The following PTPRM variants were observed in gnomAD, a reference collection of about 807,000 sequenced individuals.
PTPRM encodes the protein receptor-type tyrosine-protein phosphatase mu.
In PTPRM, 47 loss-of-function variants were observed where a neutral mutation model predicts 186.7. That is an observed-to-expected ratio of 0.25 (90% CI 0.20 to 0.32). The LOEUF is 0.32. Ranked by LOEUF, PTPRM falls within the 10% of genes least tolerant of loss-of-function variation. PTPRM has a pLI of 1.00. For synonymous variants in PTPRM, 668 were observed against 674.9 expected (o/e 0.99, Z 0.16); for missense variants, 1,494 against 1,865.0 (o/e 0.80, Z 3.66).
At chr18:8,306,290 G>A (rs1022866668) in intron 20 of PTPRM, among the ~76,000 whole-genome samples, 4 of 152,092 alleles carry the variant, frequency 2.6e-5, no homozygotes, top group African/African-American at 9.7e-5. Flanking sequence ...GAACTCCTAG[G>A]AAAGTAGCCC....
chr18:7,590,847 G>T (rs983558623), intron 1 of PTPRM, among the ~76,000 whole-genome samples: 1 of 152,188 alleles, frequency 6.6e-6, no homozygotes, highest in Admixed American at 6.5e-5. Context: ...GGATTTATTG[G>T]TATTTTACTT....
At chr18:7,625,113 G>A (rs1365534000) in intron 1 of PTPRM, among the ~76,000 whole-genome samples, 2 of 152,172 alleles carry the variant, frequency 1.3e-5, no homozygotes, top group African/African-American at 4.8e-5. Context: ...ATATATTTAG[G>A]GAGAGTAATA....
intron 1 of PTPRM, among the ~76,000 whole-genome samples, chr18:7,759,644 A>G (rs1455328564): frequency 6.6e-6 from 1 of 152,198 alleles, no homozygotes; most frequent in African/African-American, 2.4e-5. Context: ...AGAAATATCT[A>G]ATATCTAGTT....
intron 14 of PTPRM, among the ~76,000 whole-genome samples, chr18:8,229,463 G>T (rs1298782299): frequency 6.6e-6 from 1 of 152,058 alleles, no homozygotes; most frequent in African/African-American, 2.4e-5. Flanking sequence ...AAAGCAGCAG[G>T]CTCTTTTCTT....
intron 7 of PTPRM, among the ~76,000 whole-genome samples, chr18:7,967,679 T>C (rs1231344924): frequency 2.3e-5 from 3 of 133,276 alleles, no homozygotes; most frequent in Non-Finnish European, 4.7e-5. Context: ...CAGGAGCCGA[T>C]GCGATCAACT....
At chr18:7,960,332 C>T (rs2053573747) in intron 7 of PTPRM, among the ~76,000 whole-genome samples, 1 of 151,708 alleles carries the variant, frequency 6.6e-6, no homozygotes, top group African/African-American at 2.4e-5. Context: ...CCATAAGATG[C>T]ATATTGAGCA....
At chr18:8,172,960 A>AG (rs1244968031) in intron 14 of PTPRM, among the ~76,000 whole-genome samples, 2 of 152,230 alleles carry the variant, frequency 1.3e-5, no homozygotes, top group Non-Finnish European at 2.9e-5. Flanking sequence ...ATATACACAC[A>AG]AACACATATG....
intron 2 of PTPRM, among the ~76,000 whole-genome samples, chr18:7,793,206 C>T (rs896757540): frequency 3.3e-5 from 5 of 152,162 alleles, no homozygotes; most frequent in Non-Finnish European, 5.9e-5. Context: ...AATAGGAAGG[C>T]AGCTGTTAGC....
intron 4 of PTPRM, among the ~76,000 whole-genome samples, chr18:7,915,124 G>C (rs552237664): frequency 1.3e-5 from 2 of 152,150 alleles, no homozygotes; most frequent in Admixed American, 1.3e-4. Context: ...TTGGCTTTGG[G>C]ATCAAAGGCT....
intron 1 of PTPRM, among the ~76,000 whole-genome samples, chr18:7,724,752 G>A (rs893538527): frequency 5.3e-5 from 8 of 152,318 alleles, no homozygotes; most frequent in African/African-American, 1.9e-4. Flanking sequence ...TTTGGTGGCT[G>A]TTCCTCGTAT....
intron 4 of PTPRM, among the ~76,000 whole-genome samples, chr18:7,926,065 A>G (rs2051156023): frequency 6.6e-6 from 1 of 152,224 alleles, no homozygotes; most frequent in Non-Finnish European, 1.5e-5. Context: ...GCTGAAAAAT[A>G]TTACATAAGT....
chr18:8,231,469 A>G (rs1334815400), intron 14 of PTPRM, among the ~76,000 whole-genome samples: 2 of 152,154 alleles, frequency 1.3e-5, no homozygotes, highest in African/African-American at 2.4e-5. Flanking sequence ...CAGCTCTCCC[A>G]TAGGACACAT....
At chr18:8,005,184 A>G (rs2084106380) in intron 7 of PTPRM, among the ~76,000 whole-genome samples, 1 of 152,214 alleles carries the variant, frequency 6.6e-6, no homozygotes, top group Admixed American at 6.5e-5. Context: ...AAACTGTAGA[A>G]AATGTCTGTC....
chr18:7,629,840 G>C (rs1363904231), intron 1 of PTPRM, among the ~76,000 whole-genome samples: 1 of 152,148 alleles, frequency 6.6e-6, no homozygotes, highest in Non-Finnish European at 1.5e-5. Context: ...ACTGTGAAGA[G>C]AATGGACTTA....
intron 19 of PTPRM, among the ~76,000 whole-genome samples, chr18:8,255,738 A>G (rs1236675929): frequency 5.9e-5 from 9 of 152,232 alleles, no homozygotes; most frequent in Admixed American, 3.9e-4. Context: ...TCTGTTAGGA[A>G]TAATCCCGTC....
chr18:8,202,601 T>A (rs2093872877), intron 14 of PTPRM, among the ~76,000 whole-genome samples: 1 of 151,682 alleles, frequency 6.6e-6, no homozygotes, highest in African/African-American at 2.4e-5. Flanking sequence ...TTTTTTTTTT[T>A]AATGGTAAGA....
chr18:8,344,632 A>G (rs184040094), intron 23 of PTPRM, among the ~76,000 whole-genome samples: 222 of 152,094 alleles, frequency 1.5e-3, no homozygotes, highest in African/African-American at 5.0e-3. Context: ...TAATAAAGAC[A>G]GCTACTACAG....
intron 1 of PTPRM, among the ~76,000 whole-genome samples, chr18:7,711,244 C>T (rs952946708): frequency 1.3e-5 from 2 of 152,146 alleles, no homozygotes; most frequent in Admixed American, 6.5e-5. Flanking sequence ...GGAACTCCCT[C>T]CCCTAGCCAA....
At chr18:8,203,240 A>G (rs1380221834) in intron 14 of PTPRM, among the ~76,000 whole-genome samples, 1 of 152,220 alleles carries the variant, frequency 6.6e-6, no homozygotes, top group African/African-American at 2.4e-5. Context: ...TATTGTATAC[A>G]TTAACATTAG....
Sources: gnomAD v4.1 joint callset for allele counts (sites outside exome capture counted in the v4.1 genomes callset) on GRCh38, gnomAD v4.1.1 for gene constraint, MANE v1.5 for transcripts, NCBI Gene and HGNC (gene_info 2026-07-23, HGNC 2026-07-21) for gene names.